The following NSD2 variants were observed in gnomAD, a reference collection of about 807,000 sequenced individuals.
NSD2 encodes the protein nuclear receptor binding SET domain protein 2.
Under a neutral mutation model 139.0 loss-of-function variants are expected in NSD2, and 12 were observed. That is an observed-to-expected ratio of 0.09 (90% confidence interval 0.06 to 0.14). The LOEUF is 0.14. Among genes scored for constraint, NSD2 ranks in the 10% least tolerant of loss-of-function variants. NSD2 has a pLI of 1.00. For missense variants in NSD2, 1,155 were observed against 1,745.0 expected (o/e 0.66, Z 6.02); for synonymous variants, 669 against 648.7 (o/e 1.03, Z -0.48).
chr4:1,931,825 G>T (rs989322536), intron 6 of NSD2, among the ~76,000 whole-genome samples: 4 of 152,070 alleles, frequency 2.6e-5, no homozygotes, highest in Non-Finnish European at 4.4e-5. Context: ...TTCTTTAAAA[G>T]AAAATATACC....
chr4:1,891,703 A>G (rs934247342), intron 1 of NSD2, among the ~76,000 whole-genome samples: 2 of 151,932 alleles, frequency 1.3e-5, no homozygotes, highest in African/African-American at 4.8e-5. Context: ...ATACAAAAAT[A>G]AAAATTAGCC....
At chr4:1,961,700 G>A (rs1465422024) in intron 18 of NSD2, among the ~76,000 whole-genome samples, 4 of 152,210 alleles carry the variant, frequency 2.6e-5, no homozygotes, top group Non-Finnish European at 5.9e-5. Flanking sequence ...CAGTACATCT[G>A]GAGTGCTCAG....
intron 3 of NSD2, among the ~76,000 whole-genome samples, chr4:1,912,487 C>T (rs867297563): frequency 6.6e-6 from 1 of 152,118 alleles, no homozygotes; most frequent in African/African-American, 2.4e-5. Context: ...TAATTACTGC[C>T]TTTCTTTTGA....
At chr4:1,897,942 T>C (rs1716585142) in intron 1 of NSD2, among the ~76,000 whole-genome samples, 1 of 152,182 alleles carries the variant, frequency 6.6e-6, no homozygotes, top group South Asian at 2.1e-4. Context: ...ACTTCTTGAA[T>C]CTGTACATTT....
chr4:1,941,266 A>G, intron 9 of NSD2: 6 of 1,057,370 alleles, frequency 5.7e-6, no homozygotes, highest in Non-Finnish European at 5.7e-6. Flanking sequence ...AAGAGCTTTT[A>G]ATGAGTTTTT....
intron 1 of NSD2, among the ~76,000 whole-genome samples, chr4:1,898,121 C>T (rs1716612857): frequency 6.6e-6 from 1 of 151,706 alleles, no homozygotes; most frequent in Non-Finnish European, 1.5e-5. Flanking sequence ...CAGTCTTGCT[C>T]TGTAATCCAG....
At position 1,972,536 on chromosome 4, in the gene NSD2, G is replaced by A. The variant is rs975851071; in HGVS notation, c.3373-2327G>A. ...CCCATGGCATTCCTGTGACTCCAGC[G>A]GGGCCCAAACCCAGGCGGATGGCCA... On this transcript the variant is annotated intron_variant, in intron 18 of 21. Coordinates refer to ENST00000508803, the MANE Select transcript of NSD2 (RefSeq NM_001042424.3). This position sits in a 1 kb window ranked among gnomAD's most constrained non-coding sequence, Gnocchi z 4.0. Among the ~76,000 whole-genome samples, 4 of 152,302 alleles carry A rather than the reference G, an allele frequency of 2.6e-5. No individual in the cohort carries two copies. Among genetic ancestry groups the A allele is most frequent in the East Asian group, 3.9e-4 (2 of 5,172 alleles).
chr4:1,907,615 CT>C (rs765535552), intron 3 of NSD2, among the ~76,000 whole-genome samples: 4,059 of 93,580 alleles, frequency 0.043, 52 homozygotes, highest in African/African-American at 0.16. Context: ...TGTTGAATCT[CT>C]TTTTTTTTTT....
At chr4:1,888,721 G>A (rs1715307044) in intron 1 of NSD2, among the ~76,000 whole-genome samples, 1 of 149,834 alleles carries the variant, frequency 6.7e-6, no homozygotes, top group Non-Finnish European at 1.5e-5. Flanking sequence ...TGAACCCACT[G>A]CGCCTGGCTA....
At chr4:1,926,955 A>G (rs1326739545) in intron 5 of NSD2, among the ~76,000 whole-genome samples, 1 of 152,328 alleles carries the variant, frequency 6.6e-6, no homozygotes, top group South Asian at 2.1e-4. Context: ...ACTGTCTCAC[A>G]GTTTCTGTGG....
intron 1 of NSD2, among the ~76,000 whole-genome samples, chr4:1,874,822 A>T (rs2108881814): frequency 1.3e-5 from 2 of 152,314 alleles, no homozygotes; most frequent in African/African-American, 4.8e-5. Flanking sequence ...GCTTTAGAGG[A>T]TTAGGCTTGT....
At chr4:1,876,306 T>G (rs1183955110) in intron 1 of NSD2, among the ~76,000 whole-genome samples, 1 of 152,176 alleles carries the variant, frequency 6.6e-6, no homozygotes, top group Non-Finnish European at 1.5e-5. Context: ...TTTCAAAGCA[T>G]TTTACTTTCT....
Position 1,909,266 on chromosome 4 carries a change from C to T in NSD2, c.760+4888C>T, listed in dbSNP as rs557945828. ...TCTTGTACTGTTTTTCCCACCACCC[C>T]CCCCAACCCTAGCATCAGCCGTTTC... On this transcript the variant is annotated intron_variant, in intron 3 of 21. Transcript: ENST00000508803. Among the ~76,000 whole-genome samples the T allele has an allele frequency of 1.8e-4, 28 of 152,156 alleles. No homozygotes were observed. In the South Asian group the frequency reaches 2.5e-3, roughly 14 times the overall value.
At chr4:1,938,752 C>T (rs1456444361) in intron 8 of NSD2, among the ~76,000 whole-genome samples, 1 of 152,114 alleles carries the variant, frequency 6.6e-6, no homozygotes, top group African/African-American at 2.4e-5. Flanking sequence ...AAGGGTTTGG[C>T]TAAATTTTAT....
At chr4:1,919,350 C>A (rs190221977) in intron 5 of NSD2, among the ~76,000 whole-genome samples, 324 of 152,198 alleles carry the variant, frequency 2.1e-3, no homozygotes, top group African/African-American at 7.7e-3. Context: ...TCCACTGGCA[C>A]TGAGGGTGTT....
intron 9 of NSD2, chr4:1,941,926 G>A (rs890953253): frequency 9.3e-7 from 1 of 1,073,498 alleles, no homozygotes; most frequent in Non-Finnish European, 1.1e-6. Context: ...AAAACAGCCT[G>A]TTGACTGCTG....
At position 1,979,815 on chromosome 4, in the gene NSD2, G is replaced by A; in HGVS notation, c.*906G>A. ...CAAATCACCACCGACTGAAGTGTGT[G>A]TTTACTGATGCGGCCCTGAGCTCCA... On this transcript the variant is annotated 3_prime_UTR_variant, in exon 22 of 22. Coordinates refer to ENST00000508803, the MANE Select transcript of NSD2 (RefSeq NM_001042424.3). 1 of 232,574 alleles carries A rather than the reference G, an allele frequency of 4.3e-6. No individual in the cohort carries two copies. Among genetic ancestry groups the A allele is most frequent in the Non-Finnish European group, 8.5e-6 (1 of 117,624 alleles). 14.4% of individuals were successfully genotyped at this position (232,574 alleles called of 1,614,324 possible).
chr4:1,930,432 T>C (rs1721504177), intron 5 of NSD2, among the ~76,000 whole-genome samples, 194 bp from the exon 6 acceptor site: 1 of 152,202 alleles, frequency 6.6e-6, no homozygotes, highest in African/African-American at 2.4e-5. Flanking sequence ...TTCTAATTTA[T>C]GAGTTTTCAT....
At chr4:1,895,575 A>G (rs1227995868) in intron 1 of NSD2, among the ~76,000 whole-genome samples, 1 of 152,102 alleles carries the variant, frequency 6.6e-6, no homozygotes, top group Non-Finnish European at 1.5e-5. Flanking sequence ...GCAAATCATG[A>G]AAACAGTAAT....
Sources: allele counts gnomAD v4.1 joint callset (sites outside exome capture counted in the v4.1 genomes callset), GRCh38; gene constraint gnomAD v4.1.1; non-coding constraint Gnocchi (gnomAD v3.1); transcripts MANE v1.5; gene names NCBI Gene and HGNC (gene_info 2026-07-23, HGNC 2026-07-21).